BEND7: variants seen among roughly 807,000 people sequenced by gnomAD.
BEND7 encodes the protein BEN domain containing 7, also known as BEN domain-containing protein 7.
Under a neutral mutation model 50.9 loss-of-function variants are expected in BEND7, and 28 were observed. The ratio of observed to expected loss-of-function variants is 0.55; its 90% CI spans 0.41 to 0.75. BEND7 has a LOEUF of 0.75. Among genes scored for constraint, BEND7 ranks in the 30% least tolerant of loss-of-function variants. The pLI, the probability that BEND7 is intolerant of heterozygous loss-of-function variation, is 0.00. For synonymous variants in BEND7, 170 were observed against 183.9 expected (o/e 0.92, Z 0.61); for missense variants, 477 against 491.3 (o/e 0.97, Z 0.28).
chr10:13,471,402 G>C (rs2131498191), intron 6 of BEND7, among the ~76,000 whole-genome samples: 1 of 152,334 alleles, frequency 6.6e-6, no homozygotes, highest in South Asian at 2.1e-4. Context: ...CACTGTTTGG[G>C]GAAATGTCAA....
At chr10:13,467,101 C>T (rs920715927) in intron 6 of BEND7, among the ~76,000 whole-genome samples, 3 of 152,188 alleles carry the variant, frequency 2.0e-5, no homozygotes, top group Admixed American at 2.0e-4. Flanking sequence ...AGGGCCCATG[C>T]CTCAGAGGTA....
At chr10:13,458,315 C>T (rs1261710520) in intron 6 of BEND7, among the ~76,000 whole-genome samples, 3 of 152,202 alleles carry the variant, frequency 2.0e-5, no homozygotes, top group African/African-American at 7.2e-5. Flanking sequence ...ATGCTGAACG[C>T]GCCACTCTGC....
intron 2 of BEND7, among the ~76,000 whole-genome samples, chr10:13,513,346 TC>T (rs1413448085): frequency 6.6e-6 from 1 of 152,192 alleles, no homozygotes; most frequent in Non-Finnish European, 1.5e-5. Context: ...ACAAGAGGAC[TC>T]CAGCCCAGAT....
chr10:13,497,203 TAAC>T (rs1588953560), intron 3 of BEND7, among the ~76,000 whole-genome samples: 2 of 152,218 alleles, frequency 1.3e-5, no homozygotes, highest in South Asian at 2.1e-4. Flanking sequence ...TCATCTCAAA[TAAC>T]AACACCTCAA....
chr10:13,516,238 G>A (rs1408766461), intron 2 of BEND7, among the ~76,000 whole-genome samples: 3 of 152,184 alleles, frequency 2.0e-5, no homozygotes, highest in Non-Finnish European at 4.4e-5. Flanking sequence ...AAAGGTAGTC[G>A]AGGTCACTCT....
intron 3 of BEND7, among the ~76,000 whole-genome samples, chr10:13,497,948 T>G (rs554974485): frequency 1.3e-5 from 2 of 152,212 alleles, no homozygotes; most frequent in Non-Finnish European, 2.9e-5. Context: ...ACTTAGTGAT[T>G]GTAGTGGTAC....
intron 5 of BEND7, among the ~76,000 whole-genome samples, chr10:13,491,317 A>C (rs2076643291): frequency 6.6e-6 from 1 of 151,736 alleles, no homozygotes; most frequent in Non-Finnish European, 1.5e-5. Flanking sequence ...TGTCTAAAAA[A>C]AAAAAAAAAA....
At chr10:13,521,450 G>A (rs960783590) in intron 2 of BEND7, among the ~76,000 whole-genome samples, 9 of 152,248 alleles carry the variant, frequency 5.9e-5, no homozygotes, top group East Asian at 3.9e-4. Flanking sequence ...TACTGGCCAC[G>A]TACCTAACCC....
rs1435507041 is a variant in BEND7, at chr10:13,524,992, G to A, written c.145+1146C>T. 2.6e-5 allele frequency among the ~76,000 whole-genome samples: 4 copies of A among 152,144 alleles called. No individual in the cohort carries two copies. The East Asian group carries it at 5.8e-4, about 22-fold the overall frequency. On this transcript the variant is annotated intron_variant, in intron 2 of 8. Transcript: ENST00000466271. ...AAAGCAAAACCAGAGAGATCCTGGC[G>A]AGAGCTTCGTTTGAAGGCTGACCCA...
intron 2 of BEND7, 62 bp from the exon 3 acceptor site, chr10:13,500,142 C>T (rs983678093): frequency 2.3e-6 from 3 of 1,304,520 alleles, no homozygotes; most frequent in Non-Finnish European, 3.1e-6. Flanking sequence ...AGTTCACTAA[C>T]CAAAAAGAAG....
In BEND7 at chr10:13,520,603, C is replaced by T. The variant is rs117396556; in HGVS notation, c.145+5535G>A. Among the ~76,000 whole-genome samples, 1,192 of 152,292 alleles carry T rather than the reference C, an allele frequency of 7.8e-3. 4 individuals carry two copies. Among genetic ancestry groups the T allele is most frequent in the Non-Finnish European group, 0.012 (804 of 68,032 alleles). ...AGATTGGAGCAAGGAGCTGTGGCAG[C>T]TCTGACAAGGTGAAGAACTCAGAAG... On this transcript the variant is annotated intron_variant, in intron 2 of 8. Transcript: ENST00000466271.
intron 3 of BEND7, among the ~76,000 whole-genome samples, chr10:13,498,772 C>T (rs1024520927): frequency 3.3e-5 from 5 of 152,096 alleles, no homozygotes; most frequent in African/African-American, 9.7e-5. Context: ...GTCCCTCTAA[C>T]CTGGAGGCAT....
chr10:13,497,014 A>T (rs1317853869), intron 3 of BEND7, 126 bp from the exon 4 acceptor site: 2 of 1,213,862 alleles, frequency 1.6e-6, no homozygotes, highest in Non-Finnish European at 2.2e-6. Flanking sequence ...ATTATGATGA[A>T]GCTGTGCCTA....
At chr10:13,461,090 C>G (rs1840114110) in intron 6 of BEND7, among the ~76,000 whole-genome samples, 1 of 152,140 alleles carries the variant, frequency 6.6e-6, no homozygotes, top group Admixed American at 6.5e-5. Flanking sequence ...GCGGGGAAAG[C>G]TTTCAGATAA....
intron 5 of BEND7, among the ~76,000 whole-genome samples, chr10:13,487,381 TTCTTTTC>T (rs1242767384): frequency 3.6e-5 from 1 of 28,022 alleles, no homozygotes; most frequent in African/African-American, 8.6e-5. Flanking sequence ...TTCTTTTCTT[TTCTTTTC>T]TTTTTTTTTT....
chr10:13,499,343 T>C (rs2077270667), intron 3 of BEND7, among the ~76,000 whole-genome samples: 1 of 146,522 alleles, frequency 6.8e-6, no homozygotes, highest in South Asian at 2.3e-4. Context: ...CGCCCCCGCC[T>C]TTATCTGGGA....
At chr10:13,525,490 C>T (rs2079396161) in intron 2 of BEND7, among the ~76,000 whole-genome samples, 2 of 152,166 alleles carry the variant, frequency 1.3e-5, no homozygotes, top group Admixed American at 1.3e-4. Flanking sequence ...GCATGCTGTT[C>T]CCCCTGTCCC....
chr10:13,513,558 C>T (rs1001297000), intron 2 of BEND7, among the ~76,000 whole-genome samples: 20 of 152,254 alleles, frequency 1.3e-4, no homozygotes, highest in Admixed American at 1.0e-3. Context: ...ACAGCTGATT[C>T]GTCACCAAGT....
At chr10:13,522,420 G>A (rs1001391255) in intron 2 of BEND7, among the ~76,000 whole-genome samples, 2 of 152,152 alleles carry the variant, frequency 1.3e-5, no homozygotes, top group African/African-American at 2.4e-5. Context: ...TCTGCTATTC[G>A]TGAGGTCAGG....
Sources: gnomAD v4.1 joint callset for allele counts (sites outside exome capture counted in the v4.1 genomes callset) on GRCh38, gnomAD v4.1.1 for gene constraint, MANE v1.5 for transcripts, NCBI Gene and HGNC (gene_info 2026-07-23, HGNC 2026-07-21) for gene names.